EXOC6B: variants seen among roughly 807,000 people sequenced by gnomAD.
EXOC6B encodes exocyst complex component 6B, also known as SEC15 homolog B.
In EXOC6B, 54 loss-of-function variants were observed where a neutral mutation model predicts 113.5. The observed-to-expected ratio is 0.48, with a 90% CI of 0.38 to 0.60. The LOEUF (loss-of-function observed/expected upper bound fraction) is 0.60, where lower values mean the gene tolerates loss of function less well. Ranked by LOEUF, EXOC6B falls within the 20% of genes least tolerant of loss-of-function variation. The pLI is 0.00. For missense variants in EXOC6B, 797 were observed against 977.5 expected (o/e 0.82, Z 2.46); for synonymous variants, 357 against 339.0 (o/e 1.05, Z -0.58).
chr2:72,234,898 A>AG (rs1681861212), intron 20 of EXOC6B, among the ~76,000 whole-genome samples: 1 of 152,146 alleles, frequency 6.6e-6, no homozygotes, highest in Admixed American at 6.6e-5. Context: ...ACAAAAAAAA[A>AG]CAGATGTTGG....
rs149797520 is a variant in EXOC6B at position 72,411,535 on chromosome 2, C to T, written c.1981-31665G>A. ...TTATTGAAAAGGGAGGAGATTAAAGCGACACGGAAGCTTGGTTTCCCCTGT... is the reference window on the plus strand; with the variant it reads ...TTATTGAAAAGGGAGGAGATTAAAGTGACACGGAAGCTTGGTTTCCCCTGT... On this transcript the variant is annotated intron_variant, in intron 18 of 21. Transcript: ENST00000272427. Among the ~76,000 whole-genome samples, 49 of 152,204 alleles carry T rather than the reference C, an allele frequency of 3.2e-4. No homozygotes were observed. The East Asian group carries it at 4.8e-3, about 15-fold the overall frequency.
Position 72,176,031 on chromosome 2 carries a change from A to G in EXOC6B, c.*3304T>C, listed in dbSNP as rs1255591059. The G allele has an allele frequency of 6.6e-6, 1 of 152,234 alleles. No individual in the cohort carries two copies. Among genetic ancestry groups the G allele is most frequent in the East Asian group, 1.9e-4 (1 of 5,200 alleles). The allele number at this position is 152,234 out of a possible 1,614,324, so 9.4% of individuals were successfully genotyped here. A position where few individuals can be genotyped will look rare whatever the true frequency, so the allele number is the denominator to read the frequency against. Reference sequence around the variant, plus strand: ...GGCTTTCTTGTTTAATAGCAGTTAAAAGAGGAAAATGTACAAGAGGAATAA... The same window carrying G: ...GGCTTTCTTGTTTAATAGCAGTTAAGAGAGGAAAATGTACAAGAGGAATAA... On this transcript the variant is annotated 3_prime_UTR_variant, in exon 22 of 22. Transcript: ENST00000272427.
chr2:72,299,744 T>G (rs544166928), intron 20 of EXOC6B, among the ~76,000 whole-genome samples: 47 of 152,350 alleles, frequency 3.1e-4, no homozygotes, highest in African/African-American at 1.0e-3. Flanking sequence ...TTTTTGTTGA[T>G]GTTGATACTA....
intron 19 of EXOC6B, among the ~76,000 whole-genome samples, chr2:72,353,617 G>A (rs1052398315): frequency 2.0e-5 from 3 of 151,656 alleles, no homozygotes; most frequent in Admixed American, 1.3e-4. Context: ...CAAGTGATCC[G>A]ACCGCCTCAC....
chr2:72,806,611 A>G (rs1490242028), intron 1 of EXOC6B, among the ~76,000 whole-genome samples: 1 of 152,228 alleles, frequency 6.6e-6, no homozygotes, highest in African/African-American at 2.4e-5. Flanking sequence ...TCTCCAAACT[A>G]CTTTCCACAG....
chr2:72,641,663 C>T (rs1164580621), intron 6 of EXOC6B, among the ~76,000 whole-genome samples: 1 of 152,370 alleles, frequency 6.6e-6, no homozygotes, highest in Non-Finnish European at 1.5e-5. Flanking sequence ...GCAGCAGAAA[C>T]TTCTGCAGAC....
intron 18 of EXOC6B, among the ~76,000 whole-genome samples, chr2:72,409,198 A>G (rs1352889768): frequency 6.6e-6 from 1 of 152,234 alleles, no homozygotes; most frequent in East Asian, 1.9e-4. Flanking sequence ...AATGGCGATC[A>G]TTAAAAAGTC....
chr2:72,385,469 A>C (rs1437835968), intron 18 of EXOC6B, among the ~76,000 whole-genome samples: 1 of 151,322 alleles, frequency 6.6e-6, no homozygotes, highest in Non-Finnish European at 1.5e-5. Flanking sequence ...TTTTTTTTGT[A>C]TATAACCACA....
intron 6 of EXOC6B, among the ~76,000 whole-genome samples, chr2:72,614,115 T>C (rs552585655): frequency 9.2e-5 from 14 of 152,236 alleles, no homozygotes; most frequent in African/African-American, 3.1e-4. Flanking sequence ...GAAAAACGGT[T>C]TGTCAACTCT....
chr2:72,609,523 A>T lies in EXOC6B; in HGVS notation c.670-33855T>A, dbSNP rs980468574. Among the ~76,000 whole-genome samples, 75 of 137,102 alleles carry T rather than the reference A, an allele frequency of 5.5e-4. 1 individual carries two copies. Among genetic ancestry groups the T allele is most frequent in the South Asian group, 6.7e-4 (3 of 4,480 alleles). The allele number at this position is 137,102 out of a possible 152,430, so 89.9% of individuals were successfully genotyped here. A position where few individuals can be genotyped will look rare whatever the true frequency, so the allele number is the denominator to read the frequency against. On this transcript the variant is annotated intron_variant, in intron 6 of 21. Transcript: ENST00000272427. ...TGATCAATAAAAAATAAAAATAATT[A>T]AAAAAAAAAAAGTAGACTAAACAAA... is the stretch of plus-strand genomic sequence containing the variant.
intron 6 of EXOC6B, among the ~76,000 whole-genome samples, chr2:72,627,808 G>A (rs969759718): frequency 6.6e-6 from 1 of 152,174 alleles, no homozygotes; most frequent in Non-Finnish European, 1.5e-5. Context: ...GCCCAGGCAG[G>A]ACTCAAACTC....
At chr2:72,357,857 G>A (rs998965548) in intron 19 of EXOC6B, among the ~76,000 whole-genome samples, 2 of 152,074 alleles carry the variant, frequency 1.3e-5, no homozygotes, top group African/African-American at 4.8e-5. Flanking sequence ...TATACATGCT[G>A]TACAGGTTTG....
intron 18 of EXOC6B, among the ~76,000 whole-genome samples, chr2:72,449,544 G>T (rs1696793283): frequency 6.7e-6 from 1 of 148,566 alleles, no homozygotes; most frequent in Non-Finnish European, 1.5e-5. Flanking sequence ...TTTTAGAAAT[G>T]ATCCCTTCCA....
At chr2:72,205,362 T>C (rs545532916) in intron 20 of EXOC6B, among the ~76,000 whole-genome samples, 13 of 130,282 alleles carry the variant, frequency 1.0e-4, no homozygotes, top group Admixed American at 2.3e-4. Context: ...ATGCTTAAAG[T>C]AGAAAAAAAA....
chr2:72,730,571 C>CAG (rs1482315041), intron 5 of EXOC6B, among the ~76,000 whole-genome samples: 1 of 102,266 alleles, frequency 9.8e-6, no homozygotes, highest in Non-Finnish European at 2.0e-5. Flanking sequence ...AGTAGGTAAA[C>CAG]AGACAGAGAC....
intron 6 of EXOC6B, among the ~76,000 whole-genome samples, chr2:72,716,772 TTAAA>T (rs1679648459): frequency 6.6e-6 from 1 of 152,070 alleles, no homozygotes; most frequent in Admixed American, 6.6e-5. Context: ...TGGCCTCACG[TTAAA>T]TAAAGTAATA....
chr2:72,236,611 C>T (rs926279063), intron 20 of EXOC6B, among the ~76,000 whole-genome samples: 1 of 152,056 alleles, frequency 6.6e-6, no homozygotes, highest in Admixed American at 6.6e-5. Context: ...GCATGTTTGG[C>T]CCATGATGAT....
chr2:72,519,450 G>A (rs1307432015), intron 8 of EXOC6B, among the ~76,000 whole-genome samples: 2 of 152,138 alleles, frequency 1.3e-5, no homozygotes, highest in Admixed American at 6.5e-5. Flanking sequence ...CAACATGGTA[G>A]ATAAAACTCC....
At chr2:72,413,920 G>C (rs777986092) in intron 18 of EXOC6B, among the ~76,000 whole-genome samples, 29 of 152,140 alleles carry the variant, frequency 1.9e-4, no homozygotes, top group Non-Finnish European at 2.4e-4. Context: ...CTTTTTGGCA[G>C]ACCTACAATC....
Sources: gnomAD v4.1 joint callset for allele counts (sites outside exome capture counted in the v4.1 genomes callset) on GRCh38, gnomAD v4.1.1 for gene constraint, MANE v1.5 for transcripts, NCBI Gene and HGNC (gene_info 2026-07-23, HGNC 2026-07-21) for gene names.